Variants in CNTLN observed in about 807,000 individuals in gnomAD.
CNTLN encodes the protein centlein, centrosomal protein.
A neutral mutation model predicts 180.0 loss-of-function variants in CNTLN; 212 were observed. That is an observed-to-expected ratio of 1.18 (90% CI 1.05 to 1.32). The LOEUF (loss-of-function observed/expected upper bound fraction) is 1.32, where lower values mean the gene tolerates loss of function less well. Ranked by LOEUF, CNTLN falls within the 40% of genes most tolerant of loss-of-function variation. The pLI, the probability that CNTLN is intolerant of heterozygous loss-of-function variation, is 0.00. For synonymous variants in CNTLN, 722 were observed against 563.1 expected, an observed-to-expected ratio of 1.28 and a Z score of -3.99; for missense variants, 2,095 against 1,610.9, an observed-to-expected ratio of 1.30 and a Z score of -5.14.
chr9:17,169,038 C>G (rs1227232980), intron 2 of CNTLN, among the ~76,000 whole-genome samples: 4 of 152,120 alleles, frequency 2.6e-5, no homozygotes, highest in African/African-American at 9.7e-5. Flanking sequence ...TGCTTTGTCA[C>G]CCAGGATAGA....
intron 13 of CNTLN, among the ~76,000 whole-genome samples, chr9:17,369,941 C>T (rs759938403): frequency 6.7e-6 from 1 of 150,306 alleles, no homozygotes; most frequent in Non-Finnish European, 1.5e-5. Flanking sequence ...GAATCGAGAT[C>T]ACGCCACTGC....
At chr9:17,262,442 G>A (rs1827065662) in intron 5 of CNTLN, among the ~76,000 whole-genome samples, 1 of 151,436 alleles carries the variant, frequency 6.6e-6, no homozygotes, top group Admixed American at 6.6e-5. Context: ...GGATGAAGAT[G>A]GAAGCTATCA....
chr9:17,305,008 A>G (rs1818609883), intron 7 of CNTLN, among the ~76,000 whole-genome samples: 2 of 152,176 alleles, frequency 1.3e-5, no homozygotes, highest in African/African-American at 2.4e-5. Context: ...TCTTAAACAA[A>G]TTAGTATCAG....
chr9:17,342,228 G>C (rs978176004), intron 11 of CNTLN, 97 bp from the exon 12 acceptor site: 3 of 1,181,446 alleles, frequency 2.5e-6, no homozygotes, highest in Middle Eastern at 5.1e-4. Context: ...TTAGAAATTT[G>C]GTCAATAGAT....
rs1393170741 is a variant in CNTLN, at chr9:17,409,485, G to T, written c.2796+12G>T. 1.3e-6 allele frequency: 2 copies of T among 1,568,944 alleles called. No individual in the cohort carries two copies. Among genetic ancestry groups the T allele is most frequent in the Middle Eastern group, 1.7e-4 (1 of 5,862 alleles). On this transcript the variant is annotated intron_variant, in intron 16 of 25. Coordinates refer to ENST00000380647, the MANE Select transcript of CNTLN (RefSeq NM_017738.4). The stretch of plus-strand genomic sequence containing the variant: ...GCAAGACCCCAAAGGTAAATGACAT[G>T]ATTTTGCTTAATTGTATGCTATGTT...
At chr9:17,294,940 C>A (rs1226089424) in intron 6 of CNTLN, among the ~76,000 whole-genome samples, 1 of 140,976 alleles carries the variant, frequency 7.1e-6, no homozygotes, top group African/African-American at 2.6e-5. Flanking sequence ...GCGGGGGAGG[C>A]TCAGGCATGG....
Position 17,317,157 on chromosome 9 carries a change from T to C in CNTLN, c.1341+7905T>C, listed in dbSNP as rs1310264876. Among the ~76,000 whole-genome samples the C allele has an allele frequency of 3.3e-5, 5 of 152,248 alleles. 1 individual carries two copies. Among genetic ancestry groups the C allele is most frequent in the South Asian group, 4.1e-4 (2 of 4,828 alleles). ...TGTTCCTTTGTATATGTCATACATA[T>C]GTGGAGTTTGAAAATCGTGTGAATG... On this transcript the variant is annotated intron_variant, in intron 8 of 25. Coordinates refer to ENST00000380647, the MANE Select transcript of CNTLN (RefSeq NM_017738.4).
the CNTLN span, among the ~76,000 whole-genome samples, chr9:17,516,531 G>C: frequency 6.6e-6 from 1 of 152,144 alleles, no homozygotes; most frequent in African/African-American, 2.4e-5. Context: ...AATGTAACTG[G>C]ACAAAGGGGG....
At chr9:17,288,824 T>A (rs1478740026) in intron 6 of CNTLN, among the ~76,000 whole-genome samples, 1 of 131,420 alleles carries the variant, frequency 7.6e-6, no homozygotes, top group Non-Finnish European at 1.6e-5. Context: ...GAGACTAGGA[T>A]TGCAACCCCT....
rs758246119 is a variant in CNTLN at position 17,261,140 on chromosome 9, G to C, written c.850-12593G>C. Among the ~76,000 whole-genome samples the C allele has an allele frequency of 3.3e-5, 5 of 151,350 alleles. No homozygotes were observed. In the East Asian group the frequency reaches 7.7e-4, roughly 23 times the overall value. On this transcript the variant is annotated intron_variant, in intron 5 of 25. Transcript: ENST00000380647. ...CATCTGGCTTTGTTCATTTTGCTTA[G>C]GATTGCTTTGTCTAATTGGGCTTTT...
At chr9:17,313,110 C>G (rs1218611543) in intron 8 of CNTLN, among the ~76,000 whole-genome samples, 1 of 152,034 alleles carries the variant, frequency 6.6e-6, no homozygotes, top group Non-Finnish European at 1.5e-5. Context: ...TTGAAATGTA[C>G]CTTTATGATG....
At chr9:17,344,990 A>C (rs1483154374) in intron 12 of CNTLN, among the ~76,000 whole-genome samples, 3 of 151,748 alleles carry the variant, frequency 2.0e-5, no homozygotes, top group African/African-American at 7.3e-5. Flanking sequence ...CAGGCTATTT[A>C]CTTTCTGAGA....
rs370880283 is a variant in CNTLN, at chr9:17,375,072, G to A, written c.1987+8355G>A. ...AATGAATGTGGTACATACACACAAT[G>A]GTGTACTATTCAGCCATAAAAGAAT... On this transcript the variant is annotated intron_variant, in intron 13 of 25. Coordinates refer to ENST00000380647, the MANE Select transcript of CNTLN (RefSeq NM_017738.4). 2.2e-3 allele frequency among the ~76,000 whole-genome samples: 330 copies of A among 152,266 alleles called. 4 individuals carry two copies. Among genetic ancestry groups the A allele is most frequent in the African/African-American group, 7.6e-3 (316 of 41,550 alleles).
Position 17,135,112 on chromosome 9 carries a change from G to T in CNTLN, c.47G>T (p.Arg16Leu). The T allele has an allele frequency of 6.2e-7, 1 of 1,606,260 alleles. No individual in the cohort carries two copies. The change falls in exon 1 of 26, where the codon CGA becomes CTA. Residue 16 changes from arginine (R) to leucine (L), a missense_variant. Coordinates refer to ENST00000380647, the MANE Select transcript of CNTLN (RefSeq NM_017738.4). ...PPSPHPSPPARQLGPRSPRVG... is the reference protein window; with the variant it reads ...PPSPHPSPPALQLGPRSPRVG... ...TCACCGCACCCTTCGCCCCCAGCGC[G>T]ACAGCTGGGCCCCAGGTCCCCACGT...
chr9:17,512,778 G>A, the CNTLN span, among the ~76,000 whole-genome samples: 1 of 152,164 alleles, frequency 6.6e-6, no homozygotes, highest in Non-Finnish European at 1.5e-5. Context: ...GGAGCTCTGT[G>A]CTAGGAGACA....
chr9:17,229,903 T>C (rs1181252146), intron 3 of CNTLN, among the ~76,000 whole-genome samples: 3 of 152,180 alleles, frequency 2.0e-5, no homozygotes, highest in African/African-American at 7.2e-5. Flanking sequence ...GTGCCTTTTA[T>C]TTGAATTTTT....
intron 23 of CNTLN, among the ~76,000 whole-genome samples, chr9:17,482,845 G>A (rs936848120): frequency 2.6e-5 from 4 of 152,124 alleles, no homozygotes; most frequent in African/African-American, 9.7e-5. Context: ...GATGGGACAA[G>A]TGAGTATGAT....
intron 23 of CNTLN, among the ~76,000 whole-genome samples, chr9:17,469,094 A>G (rs1831914058): frequency 6.6e-6 from 1 of 151,744 alleles, no homozygotes; most frequent in South Asian, 2.1e-4. Flanking sequence ...AATATAATAC[A>G]CAATATTGGG....
chr9:17,226,207 A>G lies in CNTLN; in HGVS notation c.454A>G (p.Lys152Glu). ...QVVSLVVERE[K>E]QKSEAKDRKV... ...CTCTCTATATTTTATATCTAGAGAAAAACAGAAATCTGAAGCTAAAGACAG... is the reference window on the plus strand; with the variant it reads ...CTCTCTATATTTTATATCTAGAGAAGAACAGAAATCTGAAGCTAAAGACAG... The change falls in exon 3 of 26, where the codon AAA (lysine) becomes GAA (glutamate). Residue 152 changes from lysine (K) to glutamate (E), a missense_variant. Lys to Glu is a moderately conservative substitution (Grantham distance 56). Coordinates refer to ENST00000380647, the MANE Select transcript of CNTLN (RefSeq NM_017738.4). The G allele has an allele frequency of 1.3e-6, 2 of 1,550,978 alleles. No individual in the cohort carries two copies.
Sources: allele counts gnomAD v4.1 joint callset (sites outside exome capture counted in the v4.1 genomes callset), GRCh38; gene constraint gnomAD v4.1.1; transcripts MANE v1.5; gene names NCBI Gene and HGNC (gene_info 2026-07-23, HGNC 2026-07-21).